The following MDFIC variants were observed in gnomAD, a reference collection of about 807,000 sequenced individuals.
MDFIC encodes the protein MyoD family inhibitor domain containing.
Under a neutral mutation model 23.2 loss-of-function variants are expected in MDFIC, and 17 were observed. The ratio of observed to expected loss-of-function variants is 0.73; its 90% CI spans 0.50 to 1.10. The LOEUF is 1.10. MDFIC is among the 50% of genes least tolerant of loss of function. The pLI is 0.00. For synonymous variants in MDFIC, 120 were observed against 115.2 expected, an observed-to-expected ratio of 1.04 and a Z score of -0.27; for missense variants, 356 against 316.6, an observed-to-expected ratio of 1.12 and a Z score of -0.95.
At chr7:114,996,704 G>A (rs1462573107) in intron 4 of MDFIC, among the ~76,000 whole-genome samples, 1 of 152,112 alleles carries the variant, frequency 6.6e-6, no homozygotes. Flanking sequence ...TAGGGCAAAG[G>A]GATTAGGAAA....
intron 3 of MDFIC, among the ~76,000 whole-genome samples, chr7:114,946,739 C>T (rs1172880022): frequency 6.6e-6 from 1 of 152,126 alleles, no homozygotes; most frequent in Non-Finnish European, 1.5e-5. Flanking sequence ...CTCACACTTG[C>T]TCACCCTTAT....
intron 3 of MDFIC, among the ~76,000 whole-genome samples, chr7:114,947,986 A>G (rs1240586351): frequency 1.3e-5 from 2 of 152,172 alleles, no homozygotes; most frequent in African/African-American, 4.8e-5. Context: ...ATTGAGTTAC[A>G]TGTCCAGACA....
chr7:114,981,390 A>G (rs1323827517), intron 4 of MDFIC, among the ~76,000 whole-genome samples: 1 of 152,204 alleles, frequency 6.6e-6, no homozygotes, highest in Non-Finnish European at 1.5e-5. Flanking sequence ...GCAGCTTCAT[A>G]AGTAACATAC....
rs926938512 is a variant in MDFIC, at chr7:114,922,124, C to T, written c.-620C>T. On this transcript the variant is annotated 5_prime_UTR_variant, in exon 1 of 5. Transcript: ENST00000393486. ...CTCCCCTTTCCCAGCCCCGGGAGGG[C>T]GCAGCGCCCGGGTGGGGAGCCCGAG... is the stretch of plus-strand genomic sequence containing the variant. The T allele has an allele frequency of 1.6e-5, 5 of 315,096 alleles. No individual in the cohort carries two copies. Among genetic ancestry groups the T allele is most frequent in the Middle Eastern group, 8.0e-4 (1 of 1,248 alleles). 19.5% of individuals were successfully genotyped at this position (315,096 alleles called of 1,614,324 possible).
intron 3 of MDFIC, among the ~76,000 whole-genome samples, chr7:114,969,592 A>G (rs1057265402): frequency 6.6e-6 from 1 of 152,198 alleles, no homozygotes; most frequent in Admixed American, 6.5e-5. Flanking sequence ...TCATGTCAGT[A>G]AATTGAGGTC....
intron 3 of MDFIC, among the ~76,000 whole-genome samples, chr7:114,944,876 G>A (rs1563138816): frequency 6.6e-6 from 1 of 152,196 alleles, no homozygotes; most frequent in African/African-American, 2.4e-5. Context: ...GTCCTGTGTG[G>A]CTCTCTGAGC....
chr7:114,925,282 G>A (rs1044630128), intron 2 of MDFIC, among the ~76,000 whole-genome samples: 1 of 151,994 alleles, frequency 6.6e-6, no homozygotes, highest in Admixed American at 6.5e-5. Context: ...GTTAACCAAA[G>A]GCATGAAACA....
chr7:114,930,471 G>A (rs551107653), intron 2 of MDFIC, among the ~76,000 whole-genome samples: 6 of 152,288 alleles, frequency 3.9e-5, no homozygotes, highest in African/African-American at 1.4e-4. Flanking sequence ...CTGTTGCTTT[G>A]TTTGGTCAGT....
intron 4 of MDFIC, among the ~76,000 whole-genome samples, chr7:115,002,038 G>C (rs1002180646): frequency 6.6e-6 from 1 of 152,164 alleles, no homozygotes; most frequent in Admixed American, 6.5e-5. Flanking sequence ...TTGGGAGACT[G>C]AGGCAGGAGA....
chr7:115,007,152 TTAGGTTAAAA>T (rs1216361485), intron 4 of MDFIC, among the ~76,000 whole-genome samples: 3 of 152,152 alleles, frequency 2.0e-5, no homozygotes, highest in Non-Finnish European at 2.9e-5. Context: ...ACAAACCTCC[TTAGGTTAAAA>T]TAGAATGGTC....
At chr7:114,963,158 T>G (rs1023107253) in intron 3 of MDFIC, among the ~76,000 whole-genome samples, 8 of 152,194 alleles carry the variant, frequency 5.3e-5, no homozygotes, top group African/African-American at 1.9e-4. Context: ...AGTGGTCTTA[T>G]AAATGAATAA....
At chr7:114,923,671 G>T (rs1792136320) in intron 2 of MDFIC, 6 of 1,410,646 alleles carry the variant, frequency 4.3e-6, no homozygotes, top group Non-Finnish European at 5.5e-6. Context: ...TTCCAAGAAT[G>T]AATTAGCTTC....
chr7:114,963,938 TG>T (rs1793042496), intron 3 of MDFIC, among the ~76,000 whole-genome samples: 1 of 152,206 alleles, frequency 6.6e-6, no homozygotes, highest in Non-Finnish European at 1.5e-5. Flanking sequence ...ATCTTAGCAC[TG>T]TGTCTGGTAC....
intron 4 of MDFIC, among the ~76,000 whole-genome samples, chr7:115,009,421 AAT>A (rs1345098176): frequency 1.3e-5 from 2 of 152,160 alleles, no homozygotes; most frequent in African/African-American, 4.8e-5. Context: ...TTATTTTGTA[AAT>A]AGTTTTCTGA....
At chr7:115,001,820 T>G (rs1191712080) in intron 4 of MDFIC, among the ~76,000 whole-genome samples, 1 of 152,136 alleles carries the variant, frequency 6.6e-6, no homozygotes, top group Non-Finnish European at 1.5e-5. Context: ...AAAATATATA[T>G]GTATGTGTAT....
At chr7:114,943,691 T>A (rs947890322) in intron 3 of MDFIC, among the ~76,000 whole-genome samples, 2 of 152,222 alleles carry the variant, frequency 1.3e-5, no homozygotes, top group Non-Finnish European at 1.5e-5. Flanking sequence ...GTGAAACACA[T>A]GATTTTGTGG....
At chr7:114,965,826 T>G (rs1224174838) in intron 3 of MDFIC, among the ~76,000 whole-genome samples, 1 of 152,264 alleles carries the variant, frequency 6.6e-6, no homozygotes, top group Non-Finnish European at 1.5e-5. Flanking sequence ...CCCTACTTTG[T>G]TATTTCATTT....
intron 4 of MDFIC, among the ~76,000 whole-genome samples, chr7:115,001,336 T>C (rs1245739185): frequency 6.6e-6 from 1 of 152,216 alleles, no homozygotes; most frequent in African/African-American, 2.4e-5. Context: ...CTATAACTTC[T>C]CTTGGGAAAT....
At chr7:115,009,690 G>A (rs1041832845) in intron 4 of MDFIC, among the ~76,000 whole-genome samples, 4 of 152,194 alleles carry the variant, frequency 2.6e-5, no homozygotes, top group Admixed American at 2.0e-4. Flanking sequence ...GATGCTAGAA[G>A]CTCTCCACAT....
Sources: gnomAD v4.1 joint callset for allele counts (sites outside exome capture counted in the v4.1 genomes callset) on GRCh38, gnomAD v4.1.1 for gene constraint, MANE v1.5 for transcripts, NCBI Gene and HGNC (gene_info 2026-07-23, HGNC 2026-07-21) for gene names.